Variants in PTPRK observed in about 807,000 individuals in gnomAD.
PTPRK encodes receptor-type tyrosine-protein phosphatase kappa.
A neutral mutation model predicts 178.0 loss-of-function variants in PTPRK; 75 were observed. The observed-to-expected ratio is 0.42, with a 90% confidence interval of 0.35 to 0.51. The LOEUF is 0.51. Ranked by LOEUF, PTPRK falls within the 20% of genes least tolerant of loss-of-function variation. The pLI is 0.02. For missense variants in PTPRK, 1,441 were observed against 1,797.8 expected, an observed-to-expected ratio of 0.80 and a Z score of 3.59; for synonymous variants, 637 against 620.6, an observed-to-expected ratio of 1.03 and a Z score of -0.39.
intron 3 of PTPRK, among the ~76,000 whole-genome samples, chr6:128,247,880 A>T (rs1815768981): frequency 6.6e-6 from 1 of 152,148 alleles, no homozygotes; most frequent in Non-Finnish European, 1.5e-5. Flanking sequence ...CCCCAATCCC[A>T]GTTTGGAAAA....
At position 128,464,830 on chromosome 6, in the gene PTPRK, C is replaced by T. The variant is rs568182421; in HGVS notation, c.100+55429G>A. On this transcript the variant is annotated intron_variant, in intron 1 of 29. Transcript: ENST00000368226. The stretch of plus-strand genomic sequence containing the variant: ...TTTAGAAGAAAATAAAATAAGATCA[C>T]TGAGATTTAAAAAAAAAGACAATAA... Among the ~76,000 whole-genome samples the T allele has an allele frequency of 1.2e-4, 18 of 144,832 alleles. No homozygotes were observed. The South Asian group carries it at 3.0e-3, about 24-fold the overall frequency.
intron 16 of PTPRK, among the ~76,000 whole-genome samples, chr6:127,997,573 T>C (rs542661721): frequency 5.9e-4 from 89 of 152,080 alleles, no homozygotes; most frequent in African/African-American, 1.9e-4. Flanking sequence ...AATTACTATA[T>C]GCAGCAATTT....
intron 1 of PTPRK, among the ~76,000 whole-genome samples, chr6:128,484,188 T>C (rs982446775): frequency 6.6e-6 from 1 of 152,156 alleles, no homozygotes; most frequent in African/African-American, 2.4e-5. Context: ...AATGGACTTA[T>C]TCATCACCCT....
chr6:128,062,795 C>T (rs1237344471), intron 13 of PTPRK: 2 of 152,266 alleles, frequency 1.3e-5, no homozygotes, highest in Non-Finnish European at 2.9e-5. Flanking sequence ...GCTCTCGCTT[C>T]AGCCTCCCAA....
At chr6:128,228,889 TTCTG>T (rs1445326432) in intron 5 of PTPRK, among the ~76,000 whole-genome samples, 1 of 152,160 alleles carries the variant, frequency 6.6e-6, no homozygotes, top group African/African-American at 2.4e-5. Context: ...ACTGTACCTA[TTCTG>T]TCTGTGAAAG....
rs187492362 is a variant in PTPRK at position 127,982,000 on chromosome 6, C to T, written c.3538-711G>A. ...GACTACAGGCATGCACCACCACACC[C>T]GGCTATTTTTTATATTTTTTGTAGA... is the stretch of plus-strand genomic sequence containing the variant. On this transcript the variant is annotated intron_variant, in intron 24 of 29. Transcript: ENST00000368226. 2.9e-3 allele frequency among the ~76,000 whole-genome samples: 446 copies of T among 151,494 alleles called. 2 individuals are homozygous for T. Among genetic ancestry groups the T allele is most frequent in the African/African-American group, 9.8e-3 (405 of 41,348 alleles).
chr6:128,228,380 C>T (rs1209431316), intron 5 of PTPRK, among the ~76,000 whole-genome samples: 1 of 151,614 alleles, frequency 6.6e-6, no homozygotes, highest in African/African-American at 2.4e-5. Flanking sequence ...GGTGCGGTGG[C>T]TCACGCCTGT....
intron 3 of PTPRK, among the ~76,000 whole-genome samples, chr6:128,255,877 C>T (rs954105809): frequency 2.0e-5 from 3 of 152,152 alleles, no homozygotes; most frequent in Non-Finnish European, 2.9e-5. Flanking sequence ...CAGTTTCAAT[C>T]CTATAGGTTT....
chr6:128,483,072 C>T (rs1852305163), intron 1 of PTPRK, among the ~76,000 whole-genome samples: 2 of 152,104 alleles, frequency 1.3e-5, no homozygotes, highest in Non-Finnish European at 2.9e-5. Flanking sequence ...CAGAAGCCCT[C>T]AACAGTGTAG....
intron 7 of PTPRK, among the ~76,000 whole-genome samples, chr6:128,121,102 A>G (rs978842973): frequency 2.0e-5 from 3 of 152,034 alleles, no homozygotes; most frequent in Non-Finnish European, 4.4e-5. Flanking sequence ...GCTTTACAAA[A>G]TAGTTGTAAA....
chr6:128,388,287 G>C (rs1839056362), intron 2 of PTPRK, among the ~76,000 whole-genome samples: 1 of 152,028 alleles, frequency 6.6e-6, no homozygotes, highest in Admixed American at 6.6e-5. Flanking sequence ...TTTTGTACCT[G>C]GAATAGCCAT....
intron 13 of PTPRK, among the ~76,000 whole-genome samples, chr6:128,029,450 A>G (rs898505814): frequency 6.6e-6 from 1 of 151,992 alleles, no homozygotes; most frequent in Admixed American, 6.6e-5. Context: ...TTTGAGTTCA[A>G]GACCAGCTTG....
At chr6:128,195,039 C>T (rs1047235371) in intron 6 of PTPRK, among the ~76,000 whole-genome samples, 2 of 150,560 alleles carry the variant, frequency 1.3e-5, no homozygotes, top group Admixed American at 1.3e-4. Flanking sequence ...CAGACACATA[C>T]ACATATGTAA....
At chr6:128,094,377 G>A (rs1787553093) in intron 7 of PTPRK, among the ~76,000 whole-genome samples, 1 of 152,274 alleles carries the variant, frequency 6.6e-6, no homozygotes, top group Admixed American at 6.5e-5. Context: ...TAAGGAGGGG[G>A]ACAGCAGGAA....
At chr6:128,499,533 G>A (rs953599332) in intron 1 of PTPRK, among the ~76,000 whole-genome samples, 7 of 152,188 alleles carry the variant, frequency 4.6e-5, no homozygotes, top group African/African-American at 7.2e-5. Flanking sequence ...ACCAAATTAC[G>A]CAAACTCTAT....
intron 3 of PTPRK, among the ~76,000 whole-genome samples, chr6:128,247,091 C>T (rs944787901): frequency 6.6e-6 from 1 of 152,138 alleles, no homozygotes; most frequent in Non-Finnish European, 1.5e-5. Context: ...TAATATTTAA[C>T]TCGGGTCTCT....
intron 1 of PTPRK, among the ~76,000 whole-genome samples, chr6:128,399,494 T>TA (rs1258393500): frequency 6.6e-6 from 1 of 152,218 alleles, no homozygotes; most frequent in Non-Finnish European, 1.5e-5. Context: ...ATGCTCTCAT[T>TA]AAAAAAGATG....
At chr6:128,036,749 T>G (rs1582643445) in intron 13 of PTPRK, among the ~76,000 whole-genome samples, 1 of 152,132 alleles carries the variant, frequency 6.6e-6, no homozygotes, top group East Asian at 1.9e-4. Flanking sequence ...CCTTTTTTTT[T>G]TTTAAGATGG....
chr6:128,067,472 A>G, intron 12 of PTPRK, 47 bp downstream of exon 12: 1 of 1,447,472 alleles, frequency 6.9e-7, no homozygotes, highest in Non-Finnish European at 9.2e-7. Flanking sequence ...ATTTGACTTC[A>G]GCTTTTCTTC....
Sources: gnomAD v4.1 joint callset for allele counts (sites outside exome capture counted in the v4.1 genomes callset) on GRCh38, gnomAD v4.1.1 for gene constraint, MANE v1.5 for transcripts, NCBI Gene and HGNC (gene_info 2026-07-23, HGNC 2026-07-21) for gene names.